Variants in GDPD1 observed in about 807,000 individuals in gnomAD.
The protein encoded by GDPD1 is lysophospholipase D GDPD1.
A neutral mutation model predicts 45.1 loss-of-function variants in GDPD1; 28 were observed. The ratio of observed to expected loss-of-function variants is 0.62; its 90% CI spans 0.46 to 0.85. The LOEUF is 0.85. Ranked by LOEUF, GDPD1 falls within the 40% of genes least tolerant of loss-of-function variation. The probability of loss-of-function intolerance (pLI) is 0.00; values close to 1 mark genes in which losing one functional copy is unlikely to be tolerated. For missense variants in GDPD1, 256 were observed against 364.8 expected (o/e 0.70, Z 2.43); for synonymous variants, 139 against 131.4 (o/e 1.06, Z -0.40).
intron 4 of GDPD1, among the ~76,000 whole-genome samples, chr17:59,255,850 T>TATATATATATATATAC (rs1158828340): frequency 2.7e-5 from 2 of 74,336 alleles, no homozygotes; most frequent in African/African-American, 1.4e-4. Flanking sequence ...TATATATATA[T>TATATATATATATATAC]ACACACGTAT....
At chr17:59,241,596 G>A (rs2047176030) in intron 2 of GDPD1, among the ~76,000 whole-genome samples, 2 of 151,896 alleles carry the variant, frequency 1.3e-5, no homozygotes, top group Admixed American at 6.6e-5. Context: ...GGGATTACAG[G>A]CATGAGCCAT....
chr17:59,269,498 T>C (rs1597994271), intron 7 of GDPD1, among the ~76,000 whole-genome samples: 1 of 134,262 alleles, frequency 7.4e-6, no homozygotes, highest in African/African-American at 2.7e-5. Flanking sequence ...AAAAACACCC[T>C]ATTTTATTTG....
At chr17:59,253,468 T>A (rs1396638506) in intron 4 of GDPD1, among the ~76,000 whole-genome samples, 2 of 152,164 alleles carry the variant, frequency 1.3e-5, no homozygotes, top group African/African-American at 2.4e-5. Context: ...CCTTCCAAAG[T>A]GCTGAGATTA....
intron 4 of GDPD1, among the ~76,000 whole-genome samples, chr17:59,255,857 G>T (rs369706424): frequency 4.9e-5 from 2 of 40,886 alleles, no homozygotes; most frequent in Admixed American, 3.0e-4. Flanking sequence ...ATATACACAC[G>T]TATATATATA....
intron 8 of GDPD1, among the ~76,000 whole-genome samples, chr17:59,271,982 C>G (rs1286037954): frequency 6.6e-6 from 1 of 152,108 alleles, no homozygotes; most frequent in African/African-American, 2.4e-5. Context: ...TATCTTTTCT[C>G]TCTGTCAGTG....
intron 1 of GDPD1, among the ~76,000 whole-genome samples, chr17:59,224,345 G>C (rs949800632): frequency 1.1e-4 from 16 of 152,082 alleles, no homozygotes. Flanking sequence ...CTTGTGGGCC[G>C]AGCAAGGTGG....
chr17:59,255,949 G>A (rs920453015), intron 4 of GDPD1, among the ~76,000 whole-genome samples: 1 of 148,596 alleles, frequency 6.7e-6, no homozygotes, highest in South Asian at 2.1e-4. Flanking sequence ...TTGCTGGAGT[G>A]TGGGAGGCCG....
At chr17:59,260,155 A>T (rs1487583000) in intron 6 of GDPD1, among the ~76,000 whole-genome samples, 2 of 150,774 alleles carry the variant, frequency 1.3e-5, no homozygotes, top group African/African-American at 4.9e-5. Context: ...AATAGATTTA[A>T]GCAAGTTAAG....
At chr17:59,248,113 G>A (rs2047226135) in intron 3 of GDPD1, among the ~76,000 whole-genome samples, 1 of 151,724 alleles carries the variant, frequency 6.6e-6, no homozygotes, top group Admixed American at 6.6e-5. Flanking sequence ...AAGAACATTT[G>A]CCAGCTGGGT....
At chr17:59,255,790 T>TAG (rs2047296905) in intron 4 of GDPD1, among the ~76,000 whole-genome samples, 2 of 56,992 alleles carry the variant, frequency 3.5e-5, no homozygotes, top group African/African-American at 1.2e-4. Flanking sequence ...TATATACGCG[T>TAG]ATATATGTAT....
chr17:59,256,415 T>C (rs2047309529), intron 4 of GDPD1, among the ~76,000 whole-genome samples: 1 of 152,208 alleles, frequency 6.6e-6, no homozygotes, highest in South Asian at 2.1e-4. Flanking sequence ...AATTTTTTCA[T>C]TACTTGAATT....
At chr17:59,246,157 A>C (rs190643609) in intron 3 of GDPD1, among the ~76,000 whole-genome samples, 20 of 152,200 alleles carry the variant, frequency 1.3e-4, no homozygotes, top group South Asian at 1.0e-3. Context: ...TATTCATTAT[A>C]GTAAATACTC....
intron 3 of GDPD1, among the ~76,000 whole-genome samples, chr17:59,246,369 A>G (rs2047211111): frequency 6.6e-6 from 1 of 152,014 alleles, no homozygotes; most frequent in South Asian, 2.1e-4. Flanking sequence ...CTGTAATCTC[A>G]GTACTTTGGG....
At chr17:59,269,468 CTT>C (rs972784287) in intron 7 of GDPD1, among the ~76,000 whole-genome samples, 4 of 142,934 alleles carry the variant, frequency 2.8e-5, no homozygotes, top group African/African-American at 1.1e-4. Flanking sequence ...GAAAACGCTT[CTT>C]GTCTACCCCC....
intron 4 of GDPD1, among the ~76,000 whole-genome samples, chr17:59,251,991 C>CAAAAAAAAAAAAAAAA (rs34224346): frequency 1.6e-5 from 1 of 60,922 alleles, no homozygotes; most frequent in African/African-American, 6.1e-5. Flanking sequence ...GACTCAGTCT[C>CAAAAAAAAAAAAAAAA]AAAAAAAAAA....
Position 59,273,833 on chromosome 17 carries a change from A to G in GDPD1, c.*60A>G. The G allele has an allele frequency of 6.7e-7, 1 of 1,482,138 alleles. No homozygotes were observed. The highest frequency in any genetic ancestry group is 9.0e-7 in the Non-Finnish European group (1 of 1,117,208). The allele number at this position is 1,482,138 out of a possible 1,614,324, so 91.8% of individuals were successfully genotyped here. The stretch of plus-strand genomic sequence containing the variant: ...TGAAGACCTAAGAAAAAAATATTTC[A>G]TGATCATTTCCCTAAGCCATTTCCA... On this transcript the variant is annotated 3_prime_UTR_variant, in exon 10 of 10. Coordinates refer to ENST00000284116, the MANE Select transcript of GDPD1 (RefSeq NM_182569.4).
chr17:59,252,710 G>A (rs1411262956), intron 4 of GDPD1, among the ~76,000 whole-genome samples: 2 of 150,674 alleles, frequency 1.3e-5, no homozygotes, highest in South Asian at 2.1e-4. Context: ...AAAAAAATAC[G>A]CTGAATTGGC....
intron 1 of GDPD1, among the ~76,000 whole-genome samples, chr17:59,229,814 T>C (rs148994205): frequency 2.0e-5 from 3 of 152,308 alleles, no homozygotes; most frequent in East Asian, 1.9e-4. Context: ...AGTTACAATA[T>C]ATCTTTTCTG....
intron 4 of GDPD1, among the ~76,000 whole-genome samples, chr17:59,250,455 T>TA (rs1001388622): frequency 6.6e-6 from 1 of 151,348 alleles, no homozygotes; most frequent in South Asian, 2.1e-4. Context: ...ACCCCGTCTC[T>TA]AAAAAAAATA....
Sources: allele counts gnomAD v4.1 joint callset (sites outside exome capture counted in the v4.1 genomes callset), GRCh38; gene constraint gnomAD v4.1.1; transcripts MANE v1.5; gene names NCBI Gene and HGNC (gene_info 2026-07-23, HGNC 2026-07-21).